Variants in IFT74 observed in about 807,000 individuals in gnomAD.
The protein encoded by IFT74 is intraflagellar transport 74.
Under a neutral mutation model 96.7 loss-of-function variants are expected in IFT74, and 92 were observed. That is an observed-to-expected ratio of 0.95 (90% confidence interval 0.80 to 1.13). IFT74 has a LOEUF of 1.13. IFT74 is among the 50% of genes most tolerant of loss of function. The probability of loss-of-function intolerance (pLI) is 0.00; values close to 1 mark genes in which losing one functional copy is unlikely to be tolerated. For synonymous variants in IFT74, 223 were observed against 213.2 expected, an observed-to-expected ratio of 1.05 and a Z score of -0.40; for missense variants, 811 against 698.2, an observed-to-expected ratio of 1.16 and a Z score of -1.82.
At chr9:26,971,930 A>G (rs1313481948) in intron 2 of IFT74, among the ~76,000 whole-genome samples, 5 of 152,218 alleles carry the variant, frequency 3.3e-5, no homozygotes, top group Non-Finnish European at 2.9e-5. Context: ...GGGCAGACCA[A>G]TTATTGGGCA....
intron 1 of IFT74, among the ~76,000 whole-genome samples, chr9:26,959,837 G>C (rs1305529672): frequency 6.6e-6 from 1 of 152,208 alleles, no homozygotes; most frequent in African/African-American, 2.4e-5. Flanking sequence ...AATCATTTCT[G>C]AAATGAGGGT....
At chr9:27,021,248 G>T (rs1209247866) in intron 12 of IFT74, among the ~76,000 whole-genome samples, 1 of 151,790 alleles carries the variant, frequency 6.6e-6, no homozygotes, top group Non-Finnish European at 1.5e-5. Context: ...TGGCTTTTTG[G>T]CTGTTTCCAT....
At chr9:26,988,844 C>CT in intron 7 of IFT74, 116 bp downstream of exon 7, 1 of 944,770 alleles carries the variant, frequency 1.1e-6, no homozygotes, top group Non-Finnish European at 1.5e-6. Flanking sequence ...GAATATTACT[C>CT]TGATTGTAAA....
At chr9:27,004,738 G>A (rs980298302) in intron 8 of IFT74, among the ~76,000 whole-genome samples, 1 of 151,976 alleles carries the variant, frequency 6.6e-6, no homozygotes, top group Non-Finnish European at 1.5e-5. Context: ...TTCATATAGT[G>A]ATTACTTAGG....
In IFT74 at chr9:26,948,448, ATTTTTTTTTTTTTTTT is replaced by A. The variant is rs71841244; in HGVS notation, c.-20+1327_-20+1342del. On this transcript the variant is annotated intron_variant, in intron 1 of 19. Transcript: ENST00000433700. Reference sequence around the variant, plus strand: ...TGACAACCTGTGATGGCTTTCCATTATTTTTTTTTTTTTTTTTTTTTTTTTTTTTTTTTTTTTTTTG... The same window carrying A: ...TGACAACCTGTGATGGCTTTCCATTATTTTTTTTTTTTTTTTTTTTTTTTG... Among the ~76,000 whole-genome samples, 424 of 59,166 alleles carry A rather than the reference ATTTTTTTTTTTTTTTT, an allele frequency of 7.2e-3. 24 individuals carry two copies. The highest frequency in any genetic ancestry group is 0.017 in the African/African-American group (324 of 18,542). The allele number at this position is 59,166 out of a possible 152,430, so 38.8% of individuals were successfully genotyped here.
intron 19 of IFT74, among the ~76,000 whole-genome samples, chr9:27,062,261 A>G (rs1308429295): frequency 6.6e-6 from 1 of 152,128 alleles, no homozygotes; most frequent in African/African-American, 2.4e-5. Context: ...TTTGCCTTAA[A>G]TTATTTGTGG....
rs751092985 is a variant in IFT74 at position 26,961,930 on chromosome 9, A to AT, written c.-19-16dup. The AT allele has an allele frequency of 1.2e-6, 2 of 1,613,280 alleles. No homozygotes were observed. Among genetic ancestry groups the AT allele is most frequent in the South Asian group, 1.1e-5 (1 of 91,044 alleles). ...AGAGAAGACATCAAAGGATTGAACT[A>AT]TTTATTGTTTCCAAACAGCGATTAA... is the stretch of plus-strand genomic sequence containing the variant. On this transcript the variant is annotated intron_variant, in intron 1 of 19. Transcript: ENST00000380062.
chr9:26,990,235 C>G, intron 8 of IFT74, 40 bp downstream of exon 8: 6 of 1,040,700 alleles, frequency 5.8e-6, no homozygotes, highest in Non-Finnish European at 8.1e-6. Flanking sequence ...CATAAGTAAG[C>G]TTTATTAGGT....
chr9:26,979,584 GATACT>G (rs1827268894), intron 3 of IFT74, among the ~76,000 whole-genome samples: 1 of 151,090 alleles, frequency 6.6e-6, no homozygotes, highest in South Asian at 2.1e-4. Context: ...AGTATAATAA[GATACT>G]ACCTCTACTT....
chr9:27,062,494 T>G (rs1587437198), intron 19 of IFT74, 124 bp from the exon 20 acceptor site: 2 of 589,074 alleles, frequency 3.4e-6, no homozygotes, highest in Non-Finnish European at 6.0e-6. Context: ...TACTGTATTT[T>G]AAAGTATTCT....
intron 10 of IFT74, among the ~76,000 whole-genome samples, chr9:27,016,142 C>T (rs12344612): frequency 2.6e-5 from 4 of 152,164 alleles, no homozygotes; most frequent in African/African-American, 4.8e-5. Context: ...TCTGAAATCA[C>T]GGTGTCAGCA....
At chr9:26,947,206 G>C (rs917309401) in intron 1 of IFT74, 2 of 813,018 alleles carry the variant, frequency 2.5e-6, no homozygotes, top group South Asian at 2.0e-5. Context: ...CGGCTGGGAA[G>C]GGGCGCGCCG....
At position 26,978,167 on chromosome 9, in the gene IFT74, C is replaced by G; in HGVS notation, c.160C>G (p.Pro54Ala). Reference sequence around the variant, plus strand: ...AGCAAGACCAGGTTCTCGTGGTTGTCCCATAGGGACTGGTGGAGTTCTGTC... The same window carrying G: ...AGCAAGACCAGGTTCTCGTGGTTGTGCCATAGGGACTGGTGGAGTTCTGTC... ...GTARPGSRGC[P>A]IGTGGVLSSQ... Residue 54 changes from proline to alanine, a missense_variant, in exon 3 of 20, where the codon CCC becomes GCC. Transcript: ENST00000380062. The G allele has an allele frequency of 6.2e-7, 1 of 1,611,898 alleles. No homozygotes were observed. The highest frequency in any genetic ancestry group is 1.1e-5 in the South Asian group (1 of 90,666).
chr9:27,053,162 T>C (rs1165099378), intron 16 of IFT74, among the ~76,000 whole-genome samples: 1 of 15,024 alleles, frequency 6.7e-5, no homozygotes, highest in East Asian at 4.2e-3. Context: ...GCGCCTGGCC[T>C]TTTTTTTTTT....
intron 1 of IFT74, among the ~76,000 whole-genome samples, chr9:26,957,514 G>A (rs981927956): frequency 6.6e-6 from 1 of 152,148 alleles, no homozygotes; most frequent in African/African-American, 2.4e-5. Context: ...GAGCTAGTGG[G>A]GTCAGGAAGA....
At chr9:27,013,197 A>G (rs1829191528) in intron 10 of IFT74, among the ~76,000 whole-genome samples, 1 of 152,132 alleles carries the variant, frequency 6.6e-6, no homozygotes, top group South Asian at 2.1e-4. Context: ...TGGGGTTCCT[A>G]CGTGCTATGC....
chr9:27,015,192 C>A (rs1275587349), intron 10 of IFT74, among the ~76,000 whole-genome samples: 1 of 152,108 alleles, frequency 6.6e-6, no homozygotes, highest in Non-Finnish European at 1.5e-5. Flanking sequence ...ATCTGCATTT[C>A]TTCTATGTCT....
At chr9:26,983,858 A>G (rs1827502823) in intron 4 of IFT74, 1 of 139,454 alleles carries the variant, frequency 7.2e-6, no homozygotes, top group African/African-American at 2.8e-5. Flanking sequence ...ATCTTGGCTC[A>G]CTACAGTCTC....
At chr9:27,030,144 A>G (rs768078057) in intron 13 of IFT74, among the ~76,000 whole-genome samples, 8 of 152,224 alleles carry the variant, frequency 5.3e-5, no homozygotes, top group Non-Finnish European at 1.2e-4. Flanking sequence ...TTTTAATCAT[A>G]GTTTAACTGC....
Sources: gnomAD v4.1 joint callset for allele counts (sites outside exome capture counted in the v4.1 genomes callset) on GRCh38, gnomAD v4.1.1 for gene constraint, MANE v1.5 for transcripts, NCBI Gene and HGNC (gene_info 2026-07-23, HGNC 2026-07-21) for gene names.